COQ8A: variants seen among roughly 807,000 people sequenced by gnomAD.
COQ8A encodes the protein atypical kinase COQ8A, mitochondrial.
COQ8A carries 51 observed loss-of-function variants against 65.0 expected under a neutral mutation model. The observed-to-expected ratio is 0.78, with a 90% CI of 0.63 to 0.99. The LOEUF is 0.99. COQ8A is among the 50% of genes least tolerant of loss of function. The pLI is 0.00. For missense variants in COQ8A, 940 were observed against 875.0 expected (o/e 1.07, Z -0.94); for synonymous variants, 371 against 353.2 (o/e 1.05, Z -0.57).
intron 4 of COQ8A, among the ~76,000 whole-genome samples, chr1:226,968,161 A>G (rs983634494): frequency 6.6e-6 from 1 of 152,090 alleles, no homozygotes; most frequent in African/African-American, 2.4e-5. Flanking sequence ...GTGAAACCCC[A>G]ATTCCTACTA....
intron 14 of COQ8A, 126 bp downstream of exon 14, chr1:226,985,466 C>T (rs1660045074): frequency 9.2e-7 from 1 of 1,088,112 alleles, no homozygotes; most frequent in Admixed American, 1.9e-5. Flanking sequence ...CCTCCTTGGG[C>T]ACGGTCTGAA....
Position 226,961,547 on chromosome 1 carries a change from C to G in COQ8A, c.162C>G (p.Phe54Leu). The change falls in exon 2 of 15, where the codon TTC becomes TTG. Residue 54 changes from phenylalanine (F) to leucine (L), a missense_variant. Coordinates refer to ENST00000366777, the MANE Select transcript of COQ8A (RefSeq NM_020247.5). ...QSTAVEQIGM[F>L]LGKVQGQDKH... The stretch of plus-strand genomic sequence containing the variant: ...CGGCTGTGGAGCAGATTGGCATGTT[C>G]TTGGGGAAGGTGCAGGTAAGGGGGC... The G allele has an allele frequency of 6.2e-7, 1 of 1,612,278 alleles. No homozygotes were observed. Among genetic ancestry groups the G allele is most frequent in the Non-Finnish European group, 8.5e-7 (1 of 1,178,710 alleles).
At position 226,986,617 on chromosome 1, in the gene COQ8A, C is replaced by T. The variant is rs141270350; in HGVS notation, c.1824C>T (p.Ser608=). Residue 608 remains serine (S), a synonymous_variant, in exon 15 of 15, where the codon TCC becomes TCT. Transcript: ENST00000366777. The part of the protein sequence containing the change: ...RLVPPPEETY[S]LHRKMGGSFL... Reference sequence around the variant, plus strand: ...TCCCCCCACCCGAGGAAACCTACTCCCTGCACAGGAAGATGGGGGGCTCCT... The same window carrying T: ...TCCCCCCACCCGAGGAAACCTACTCTCTGCACAGGAAGATGGGGGGCTCCT... 403 of 1,614,026 alleles carry T rather than the reference C, an allele frequency of 2.5e-4. 2 individuals carry two copies. The African/African-American group carries it at 5.0e-3, about 20-fold the overall frequency.
chr1:226,984,370 T>TG, intron 11 of COQ8A, 135 bp downstream of exon 11: 1 of 1,413,324 alleles, frequency 7.1e-7, no homozygotes, highest in Non-Finnish European at 9.8e-7. Context: ...GTAGCACCAG[T>TG]GGGACTTAGG....
chr1:226,956,443 GCCAC>G (rs1657766515), intron 1 of COQ8A, among the ~76,000 whole-genome samples: 1 of 103,590 alleles, frequency 9.7e-6, no homozygotes. Flanking sequence ...CTCCCTGGCT[GCCAC>G]TCTCCCTGGC....
At chr1:226,973,408 CAGG>C (rs1455697789) in intron 4 of COQ8A, among the ~76,000 whole-genome samples, 2 of 152,176 alleles carry the variant, frequency 1.3e-5, no homozygotes, top group African/African-American at 4.8e-5. Flanking sequence ...GCATATGGCC[CAGG>C]GCCATATGGT....
At chr1:226,985,441 C>T in intron 14 of COQ8A, 101 bp downstream of exon 14, 7 of 1,362,622 alleles carry the variant, frequency 5.1e-6, no homozygotes, top group Non-Finnish European at 6.2e-6. Flanking sequence ...CCTCAAGGGG[C>T]CCCCAGAGCC....
Position 226,982,109 on chromosome 1 carries a change from T to C in COQ8A, c.813T>C (p.Arg271=). Residue 271 remains arginine (R), a synonymous_variant, in exon 6 of 15, where the codon CGT becomes CGC. Transcript: ENST00000366777. ...TCGTGCGCACGCTCTGCAAGGTGCG[T>C]GGTGCGGCACTCAAGCTGGGCCAGA... ...ERIVRTLCKV[R]GAALKLGQML... is the part of the protein sequence containing the mutation. The C allele has an allele frequency of 6.2e-7, 1 of 1,609,874 alleles. No individual in the cohort carries two copies.
intron 2 of COQ8A, among the ~76,000 whole-genome samples, 158 bp from the exon 3 acceptor site, chr1:226,964,842 T>C (rs1658459471): frequency 6.6e-6 from 1 of 152,140 alleles, no homozygotes; most frequent in Non-Finnish European, 1.5e-5. Context: ...GCTCCCAGGC[T>C]GGGAAGGGTG....
intron 2 of COQ8A, among the ~76,000 whole-genome samples, chr1:226,963,910 C>G (rs927596212): frequency 1.3e-5 from 2 of 152,208 alleles, no homozygotes; most frequent in African/African-American, 2.4e-5. Context: ...GGCATAAATA[C>G]AACTTGTTTC....
chr1:226,965,052 G>A lies in COQ8A; in HGVS notation c.230G>A (p.Gly77Glu). The change falls in exon 3 of 15, where the codon GGG (glycine) becomes GAG (glutamate). Residue 77 changes from glycine (G) to glutamate (E), a missense_variant. By Grantham distance (98) the Gly-to-Glu change is moderately conservative. Transcript: ENST00000366777. ...YFAENFGGPE[G>E]EFHFSVPHAA... is the part of the protein sequence containing the mutation. Reference sequence around the variant, plus strand: ...GCTGAGAACTTCGGCGGCCCAGAAGGGGAGTTCCACTTCTCAGTCCCGCAT... The same window carrying A: ...GCTGAGAACTTCGGCGGCCCAGAAGAGGAGTTCCACTTCTCAGTCCCGCAT... 6.2e-7 allele frequency: 1 copy of A among 1,614,036 alleles called. No individual in the cohort carries two copies.
intron 14 of COQ8A, among the ~76,000 whole-genome samples, chr1:226,985,578 C>T (rs542228284): frequency 6.6e-6 from 1 of 152,324 alleles, no homozygotes; most frequent in South Asian, 2.1e-4. Context: ...TTCTGCCTCT[C>T]ACTCTTGCCC....
chr1:226,948,100 A>C (rs1219103520), intron 1 of COQ8A, among the ~76,000 whole-genome samples: 1 of 152,200 alleles, frequency 6.6e-6, no homozygotes, highest in South Asian at 2.1e-4. Context: ...GGCTCAAAGC[A>C]TCATAAATGT....
intron 1 of COQ8A, among the ~76,000 whole-genome samples, chr1:226,953,795 A>C (rs576515398): frequency 1.3e-5 from 2 of 152,240 alleles, no homozygotes; most frequent in South Asian, 4.1e-4. Flanking sequence ...GAGTTGCCCG[A>C]GATGTTTGAG....
intron 4 of COQ8A, among the ~76,000 whole-genome samples, chr1:226,971,020 A>C (rs1658877162): frequency 6.6e-6 from 1 of 152,008 alleles, no homozygotes; most frequent in South Asian, 2.1e-4. Context: ...GACTCACTGC[A>C]ACCTCTGCCT....
chr1:226,950,657 G>A (rs960300648), intron 1 of COQ8A, among the ~76,000 whole-genome samples: 1 of 152,210 alleles, frequency 6.6e-6, no homozygotes, highest in East Asian at 1.9e-4. Context: ...AGCAGCTGTA[G>A]TTATCATTGG....
rs373546262 is a variant in COQ8A, at chr1:226,984,255, C to A, written c.1398+20C>A. On this transcript the variant is annotated intron_variant, in intron 11 of 14. Coordinates refer to ENST00000366777, the MANE Select transcript of COQ8A (RefSeq NM_020247.5). ...AACGAGGTTTGTCTGTGCCAGCAGA[C>A]AGGTGGGGCCAGGGTGGCCCTGCTG... 4 of 1,612,980 alleles carry A rather than the reference C, an allele frequency of 2.5e-6. No individual in the cohort carries two copies. Among genetic ancestry groups the A allele is most frequent in the Non-Finnish European group, 3.4e-6 (4 of 1,179,974 alleles).
At position 226,984,112 on chromosome 1, in the gene COQ8A, C is replaced by T. The variant is rs1659910536; in HGVS notation, c.1275C>T (p.His425=). The change falls in exon 11 of 15, where the codon CAC becomes CAT. Residue 425 remains histidine, a synonymous_variant. Coordinates refer to ENST00000366777, the MANE Select transcript of COQ8A (RefSeq NM_020247.5). Reference sequence around the variant, plus strand: ...TACCCAGGGACCTGCTGAAGGGCCACCCCTTCTTCTATGTGCCTGAGATTG... The same window carrying T: ...TACCCAGGGACCTGCTGAAGGGCCATCCCTTCTTCTATGTGCCTGAGATTG... ...ARKFRDLLKG[H]PFFYVPEIVD... 1.9e-6 allele frequency: 3 copies of T among 1,613,542 alleles called. No homozygotes were observed. The highest frequency in any genetic ancestry group is 2.2e-5 in the East Asian group (1 of 44,874).
intron 4 of COQ8A, among the ~76,000 whole-genome samples, chr1:226,967,913 A>G (rs935572342): frequency 2.0e-5 from 3 of 152,272 alleles, no homozygotes; most frequent in African/African-American, 4.8e-5. Flanking sequence ...GGGAGCAAAG[A>G]GAAGCCAGGT....
Sources: allele counts gnomAD v4.1 joint callset (sites outside exome capture counted in the v4.1 genomes callset), GRCh38; gene constraint gnomAD v4.1.1; transcripts MANE v1.5; gene names NCBI Gene and HGNC (gene_info 2026-07-23, HGNC 2026-07-21).